The following AIF1L variants were observed in gnomAD, a reference collection of about 807,000 sequenced individuals.
AIF1L encodes the protein allograft inflammatory factor 1-like.
Under a neutral mutation model 20.7 loss-of-function variants are expected in AIF1L, and 12 were observed. The ratio of observed to expected loss-of-function variants is 0.58; its 90% CI spans 0.37 to 0.94. The LOEUF (loss-of-function observed/expected upper bound fraction) is 0.94. Among genes scored for constraint, AIF1L ranks in the 40% least tolerant of loss-of-function variants. The pLI, the probability that AIF1L is intolerant of heterozygous loss-of-function variation, is 0.01. For missense variants in AIF1L, 173 were observed against 185.3 expected (o/e 0.93, Z 0.39); for synonymous variants, 76 against 65.1 (o/e 1.17, Z -0.81).
chr9:131,115,629 C>A (rs1830994489), intron 4 of AIF1L, among the ~76,000 whole-genome samples: 1 of 151,792 alleles, frequency 6.6e-6, no homozygotes, highest in African/African-American at 2.4e-5. Context: ...CCTCTGTCCT[C>A]TCTCTTTTCT....
intron 2 of AIF1L, among the ~76,000 whole-genome samples, chr9:131,102,118 G>A (rs1830651371): frequency 6.6e-6 from 1 of 152,024 alleles, no homozygotes; most frequent in Admixed American, 6.6e-5. Flanking sequence ...TCACCATGTT[G>A]GCCAGGCTGG....
At chr9:131,111,817 C>A (rs1286880028) in intron 3 of AIF1L, 154 bp downstream of exon 3, 2 of 789,996 alleles carry the variant, frequency 2.5e-6, no homozygotes, top group East Asian at 2.6e-5. Context: ...GAGACAGGGA[C>A]CCCCTGAGAG....
At chr9:131,102,075 G>A (rs1459539719) in intron 2 of AIF1L, among the ~76,000 whole-genome samples, 1 of 151,880 alleles carries the variant, frequency 6.6e-6, no homozygotes, top group Admixed American at 6.6e-5. Context: ...CACCACCACG[G>A]CTAATTTTTG....
At chr9:131,117,725 C>T (rs765004438) in intron 4 of AIF1L, 31 bp from the exon 5 acceptor site, 263 of 1,581,276 alleles carry the variant, frequency 1.7e-4, no homozygotes, top group Non-Finnish European at 2.2e-4. Context: ...CAGCCCATCT[C>T]CACTTAACAG....
chr9:131,104,579 G>A (rs1308459907), intron 2 of AIF1L, among the ~76,000 whole-genome samples: 1 of 152,148 alleles, frequency 6.6e-6, no homozygotes, highest in Non-Finnish European at 1.5e-5. Flanking sequence ...TGTCAAATGG[G>A]GATACCTGGA....
In AIF1L at chr9:131,096,878, C is replaced by G. The variant is rs1423506210; in HGVS notation, c.93+15C>G. ...AGATCAACCGGGTAAGCCCCGCGCC[C>G]AGGGCAGCACGCGAGTCCCGAGCCG... On this transcript the variant is annotated intron_variant, in intron 2 of 5. Coordinates refer to ENST00000247291, the MANE Select transcript of AIF1L (RefSeq NM_031426.4). 4.6e-6 allele frequency: 7 copies of G among 1,526,404 alleles called. No individual in the cohort carries two copies. The East Asian group carries it at 1.8e-4, about 40-fold the overall frequency. 94.6% of individuals were successfully genotyped at this position (1,526,404 alleles called of 1,614,324 possible).
intron 5 of AIF1L, 47 bp downstream of exon 5, chr9:131,117,965 CTG>C: frequency 6.4e-7 from 1 of 1,568,704 alleles, no homozygotes; most frequent in Non-Finnish European, 8.6e-7. Flanking sequence ...CAAAATCATT[CTG>C]TGCAGAGAGG....
In AIF1L at chr9:131,114,581, G is replaced by C; in HGVS notation, c.165G>C (p.Lys55Asn). 6.2e-7 allele frequency: 1 copy of C among 1,614,152 alleles called. No individual in the cohort carries two copies. The highest frequency in any genetic ancestry group is 8.5e-7 in the Non-Finnish European group (1 of 1,179,966). Residue 55 changes from lysine (K) to asparagine (N), a missense_variant, in exon 4 of 6, where the codon AAG (lysine) becomes AAC (asparagine). Lys to Asn is a moderately conservative substitution (Grantham distance 94). Transcript: ENST00000247291. ...TTTTTGCTCTGTGATTTCCAGAGAA[G>C]TACATGGAGTTTGACCTGAACAATG... ...LPEKLTAFKE[K>N]YMEFDLNNEG...
At chr9:131,111,790 T>C in intron 3 of AIF1L, 127 bp downstream of exon 3, 1 of 973,018 alleles carries the variant, frequency 1.0e-6, no homozygotes, top group Non-Finnish European at 1.6e-6. Flanking sequence ...AATGCCCTTC[T>C]TCCTGGAGAA....
chr9:131,098,453 C>T (rs866533085), intron 2 of AIF1L, among the ~76,000 whole-genome samples: 1 of 152,140 alleles, frequency 6.6e-6, no homozygotes, highest in Non-Finnish European at 1.5e-5. Flanking sequence ...GCTGGAACCC[C>T]GACCTCATAT....
At chr9:131,116,320 G>A (rs1347419881) in intron 4 of AIF1L, among the ~76,000 whole-genome samples, 1 of 152,078 alleles carries the variant, frequency 6.6e-6, no homozygotes. Flanking sequence ...CTGGAGTGCA[G>A]TGGCACAATC....
At chr9:131,109,063 ACAT>A (rs1830815902) in intron 2 of AIF1L, among the ~76,000 whole-genome samples, 2 of 152,186 alleles carry the variant, frequency 1.3e-5, no homozygotes, top group Non-Finnish European at 2.9e-5. Context: ...GTGACATTGC[ACAT>A]CATTTTAAAC....
chr9:131,120,122 A>T, intron 5 of AIF1L, 113 bp from the exon 6 acceptor site: 1 of 967,772 alleles, frequency 1.0e-6, no homozygotes, highest in Non-Finnish European at 1.5e-6. Context: ...GAACAGATTT[A>T]AATTCTGTTG....
At chr9:131,116,703 A>C (rs755806350) in intron 4 of AIF1L, among the ~76,000 whole-genome samples, 1 of 152,208 alleles carries the variant, frequency 6.6e-6, no homozygotes, top group Non-Finnish European at 1.5e-5. Flanking sequence ...CTCTTTGTAC[A>C]TGAGTGCTTG....
intron 5 of AIF1L, among the ~76,000 whole-genome samples, chr9:131,118,407 A>G (rs959640248): frequency 6.6e-5 from 10 of 151,294 alleles, no homozygotes; most frequent in African/African-American, 2.4e-4. Flanking sequence ...TGGTCATATT[A>G]ATATGTACCC....
intron 2 of AIF1L, among the ~76,000 whole-genome samples, chr9:131,105,225 C>T (rs1219483520): frequency 4.6e-5 from 7 of 152,174 alleles, no homozygotes; most frequent in African/African-American, 1.2e-4. Context: ...TGCCACTGCC[C>T]GCCGGGCTCC....
chr9:131,114,653 G>A (rs770011722), intron 4 of AIF1L, 35 bp downstream of exon 4: 8 of 1,613,394 alleles, frequency 5.0e-6, no homozygotes, highest in Admixed American at 1.7e-5. Flanking sequence ...AGGGAGGAGG[G>A]TGTTAAGTGG....
intron 2 of AIF1L, among the ~76,000 whole-genome samples, chr9:131,110,741 G>A (rs1588184709): frequency 6.6e-6 from 1 of 151,852 alleles, no homozygotes. Flanking sequence ...GACCTCAGGT[G>A]ATCGGCCCAC....
At chr9:131,106,675 C>G (rs1308860747) in intron 2 of AIF1L, among the ~76,000 whole-genome samples, 1 of 152,062 alleles carries the variant, frequency 6.6e-6, no homozygotes, top group Non-Finnish European at 1.5e-5. Context: ...TCTAGCTGCT[C>G]TGGAGGGCTG....
Sources: allele counts gnomAD v4.1 joint callset (sites outside exome capture counted in the v4.1 genomes callset), GRCh38; gene constraint gnomAD v4.1.1; transcripts MANE v1.5; gene names NCBI Gene and HGNC (gene_info 2026-07-23, HGNC 2026-07-21).